The following CR2 variants were observed in gnomAD, a reference collection of about 807,000 sequenced individuals.
CR2 encodes the protein complement receptor type 2.
Under a neutral mutation model 123.0 loss-of-function variants are expected in CR2, and 96 were observed. The ratio of observed to expected loss-of-function variants is 0.78; its 90% CI spans 0.66 to 0.93. The LOEUF is 0.93. Ranked by LOEUF, CR2 falls within the 40% of genes least tolerant of loss-of-function variation. CR2 has a pLI of 0.00. For missense variants in CR2, 1,258 were observed against 1,361.0 expected (o/e 0.92, Z 1.19); for synonymous variants, 484 against 469.5 (o/e 1.03, Z -0.40).
intron 9 of CR2, 149 bp from the exon 10 acceptor site, chr1:207,472,623 T>G: frequency 2.7e-6 from 2 of 746,298 alleles, no homozygotes; most frequent in Non-Finnish European, 4.4e-6. Flanking sequence ...TTTTACATAC[T>G]TAATGAGCTT....
intron 18 of CR2, among the ~76,000 whole-genome samples, chr1:207,483,413 G>C (rs759819892): frequency 6.6e-6 from 1 of 152,110 alleles, no homozygotes; most frequent in Admixed American, 6.5e-5. Context: ...GCTGCCTATG[G>C]GGTTCTGGCT....
Position 207,470,772 on chromosome 1 carries a change from C to A in CR2, c.1258C>A (p.Gln420Lys). Residue 420 changes from glutamine (Q) to lysine (K), a missense_variant, in exon 7 of 20, where the codon CAA becomes AAA. By Grantham distance (53) the Gln-to-Lys change is moderately conservative. Transcript: ENST00000367057. ...CQAPPNILNG[Q>K]KEDRHMVRFD... ...GGCCCCTCCTAACATCCTCAATGGGCAAAAGGAAGATAGACACATGGTCCG... is the reference window on the plus strand; with the variant it reads ...GGCCCCTCCTAACATCCTCAATGGGAAAAAGGAAGATAGACACATGGTCCG... 1 of 1,613,754 alleles carries A rather than the reference C, an allele frequency of 6.2e-7. No individual in the cohort carries two copies. Among genetic ancestry groups the A allele is most frequent in the Non-Finnish European group, 8.5e-7 (1 of 1,179,828 alleles).
intron 18 of CR2, among the ~76,000 whole-genome samples, chr1:207,484,067 A>T (rs2102314233): frequency 6.6e-6 from 1 of 152,306 alleles, no homozygotes; most frequent in East Asian, 1.9e-4. Flanking sequence ...TCACAAGATA[A>T]TTTCAGCCAA....
rs1236072599 is a variant in CR2, at chr1:207,477,968, G to T, written c.2986G>T (p.Val996Leu). 4 of 1,614,070 alleles carry T rather than the reference G, an allele frequency of 2.5e-6. No individual in the cohort carries two copies. The highest frequency in any genetic ancestry group is 3.4e-6 in the Non-Finnish European group (4 of 1,179,982). ...PRKMYQYGAV[V>L]TLECEDGYML... Reference sequence around the variant, plus strand: ...GAAAATGTATCAGTATGGAGCTGTTGTAACTCTGGAGTGTGAAGATGGGTA... The same window carrying T: ...GAAAATGTATCAGTATGGAGCTGTTTTAACTCTGGAGTGTGAAGATGGGTA... The change falls in exon 16 of 20, where the codon GTA becomes TTA. Residue 996 changes from valine (V) to leucine (L), a missense_variant. Transcript: ENST00000367057.
Position 207,470,788 on chromosome 1 carries a change from A to G in CR2, c.1274A>G (p.His425Arg). ...CTCAATGGGCAAAAGGAAGATAGAC[A>G]CATGGTCCGCTTTGACCCTGGAACA... ...NILNGQKEDR[H>R]MVRFDPGTSI... The change falls in exon 7 of 20, where the codon CAC becomes CGC. Residue 425 changes from histidine to arginine, a missense_variant. His to Arg is a conservative substitution (Grantham distance 29). Coordinates refer to ENST00000367057, the MANE Select transcript of CR2 (RefSeq NM_001006658.3). The G allele has an allele frequency of 6.2e-7, 1 of 1,613,954 alleles. No homozygotes were observed. Among genetic ancestry groups the G allele is most frequent in the East Asian group, 2.2e-5 (1 of 44,880 alleles).
At chr1:207,467,016 A>C in intron 2 of CR2, 104 bp downstream of exon 2, 1 of 1,344,562 alleles carries the variant, frequency 7.4e-7, no homozygotes, top group Non-Finnish European at 1.0e-6. Context: ...ACATGTAATG[A>C]TGAGGGTGGA....
At chr1:207,475,272 G>A (rs544000344) in intron 14 of CR2, 56 bp downstream of exon 14, 41 of 1,583,874 alleles carry the variant, frequency 2.6e-5, no homozygotes, top group Non-Finnish European at 3.5e-5. Flanking sequence ...AAGAAAAGAG[G>A]TTTTGAATCT....
At chr1:207,467,044 A>G in intron 2 of CR2, 132 bp downstream of exon 2, 1 of 1,152,024 alleles carries the variant, frequency 8.7e-7, no homozygotes, top group Non-Finnish European at 1.2e-6. Flanking sequence ...AACAAGGGAA[A>G]AGGTGAAAGT....
At chr1:207,468,088 A>C (rs931017706) in intron 2 of CR2, among the ~76,000 whole-genome samples, 2 of 152,206 alleles carry the variant, frequency 1.3e-5, no homozygotes, top group African/African-American at 4.8e-5. Flanking sequence ...ATGAAAAATA[A>C]GGTACTATTT....
chr1:207,471,643 T>C (rs1658285059), intron 9 of CR2, 144 bp downstream of exon 9: 2 of 694,340 alleles, frequency 2.9e-6, no homozygotes, highest in African/African-American at 3.6e-5. Flanking sequence ...TTGCACAGTT[T>C]TACCATGTCT....
intron 9 of CR2, 108 bp from the exon 10 acceptor site, chr1:207,472,664 A>C: frequency 8.7e-7 from 1 of 1,147,934 alleles, no homozygotes; most frequent in Non-Finnish European, 1.3e-6. Context: ...AAATGTACCC[A>C]TACCGTCCAG....
At chr1:207,458,059 A>AAC (rs59735642) in intron 1 of CR2, among the ~76,000 whole-genome samples, 6,277 of 122,604 alleles carry the variant, frequency 0.051, 203 homozygotes, top group Middle Eastern at 0.11. Context: ...TCAAGGCCAC[A>AAC]ACACACACAC....
intron 11 of CR2, 29 bp downstream of exon 11, chr1:207,473,750 C>G: frequency 6.2e-7 from 1 of 1,613,918 alleles, no homozygotes; most frequent in Non-Finnish European, 8.5e-7. Context: ...TTGTCCTTCT[C>G]TTTGATATGA....
In CR2 at chr1:207,485,436, T is replaced by C. The variant is rs1558199254; in HGVS notation, c.3189-28T>C. 2.2e-6 allele frequency: 3 copies of C among 1,387,904 alleles called. No individual in the cohort carries two copies. The South Asian group carries it at 3.5e-5, about 16-fold the overall frequency. 86.0% of individuals were successfully genotyped at this position (1,387,904 alleles called of 1,614,324 possible). A position where few individuals can be genotyped will look rare whatever the true frequency, so the allele number is the denominator to read the frequency against. The stretch of plus-strand genomic sequence containing the variant: ...GAAACATGGTCAATGAGTAAAGATA[T>C]TACATTTTTCTTTCTTCTTCTGTTT... On this transcript the variant is annotated intron_variant, in intron 18 of 19. Coordinates refer to ENST00000367057, the MANE Select transcript of CR2 (RefSeq NM_001006658.3).
chr1:207,476,123 A>G (rs1658430441), intron 14 of CR2, 111 bp from the exon 15 acceptor site: 5 of 945,840 alleles, frequency 5.3e-6, no homozygotes, highest in Non-Finnish European at 8.6e-6. Context: ...TTTGGATACC[A>G]GTTAGTTGGC....
intron 18 of CR2, among the ~76,000 whole-genome samples, chr1:207,483,835 G>A (rs1658674013): frequency 6.6e-6 from 1 of 152,080 alleles, no homozygotes; most frequent in Non-Finnish European, 1.5e-5. Flanking sequence ...ACTCGGGTGG[G>A]TGACACTTAA....
At chr1:207,486,191 A>T (rs935513254) in intron 19 of CR2, among the ~76,000 whole-genome samples, 3 of 136,834 alleles carry the variant, frequency 2.2e-5, no homozygotes, top group African/African-American at 8.8e-5. Context: ...AGACTGCGCC[A>T]CTGTACCCCA....
chr1:207,483,406 G>A (rs955180947), intron 18 of CR2, among the ~76,000 whole-genome samples: 5 of 152,154 alleles, frequency 3.3e-5, no homozygotes, highest in African/African-American at 1.2e-4. Context: ...GGTGAGGGCT[G>A]CCTATGGGGT....
chr1:207,476,206 T>C (rs367782252), intron 14 of CR2, 28 bp from the exon 15 acceptor site: 2 of 1,609,888 alleles, frequency 1.2e-6, no homozygotes, highest in African/African-American at 2.7e-5. Flanking sequence ...TGTGCTGAGT[T>C]AAAGACCCTT....
Sources: gnomAD v4.1 joint callset for allele counts (sites outside exome capture counted in the v4.1 genomes callset) on GRCh38, gnomAD v4.1.1 for gene constraint, MANE v1.5 for transcripts, NCBI Gene and HGNC (gene_info 2026-07-23, HGNC 2026-07-21) for gene names.